TEP1: variants seen among roughly 807,000 people sequenced by gnomAD.
TEP1 encodes the protein telomerase protein component 1.
TEP1 carries 241 observed loss-of-function variants against 306.3 expected under a neutral mutation model. The observed-to-expected ratio is 0.79, with a 90% confidence interval of 0.71 to 0.88. TEP1 has a LOEUF of 0.88. Ranked by LOEUF, TEP1 falls within the 40% of genes least tolerant of loss-of-function variation. TEP1 has a pLI of 0.00. For missense variants in TEP1, 3,051 were observed against 3,276.1 expected (o/e 0.93, Z 1.68); for synonymous variants, 1,289 against 1,305.5 (o/e 0.99, Z 0.27).
In TEP1 at chr14:20,373,122, A is replaced by C. The variant is rs772035464; in HGVS notation, c.6840T>G (p.Ser2280=). Reference sequence around the variant, plus strand: ...CCCAAGCCACAGCAGTGACGGCTGCAGAACTCCTTGGTATACATGTGTCAT... The same window carrying C: ...CCCAAGCCACAGCAGTGACGGCTGCCGAACTCCTTGGTATACATGTGTCAT... ...EADDTCIPRS[S]AAVTAVAWAP... is the part of the protein sequence containing the mutation. Residue 2280 remains serine, a synonymous_variant, in exon 48 of 55, where the codon TCT becomes TCG. Coordinates refer to ENST00000262715, the MANE Select transcript of TEP1 (RefSeq NM_007110.5). 6.2e-7 allele frequency: 1 copy of C among 1,614,136 alleles called. No individual in the cohort carries two copies. Among genetic ancestry groups the C allele is most frequent in the Non-Finnish European group, 8.5e-7 (1 of 1,180,050 alleles).
chr14:20,411,751 C>T (rs1879694430), intron 1 of TEP1, among the ~76,000 whole-genome samples: 1 of 151,982 alleles, frequency 6.6e-6, no homozygotes. Context: ...TTATGGACCT[C>T]CCAGGATCTC....
intron 20 of TEP1, 71 bp downstream of exon 20, chr14:20,386,004 T>G: frequency 6.6e-7 from 1 of 1,510,436 alleles, no homozygotes; most frequent in Admixed American, 2.4e-5. Flanking sequence ...TCTGACAGAG[T>G]GTGGCTTCTC....
rs73585176 is a variant in TEP1 at position 20,380,302 on chromosome 14, G to A, written c.4936C>T (p.Arg1646Trp). 1.3e-3 allele frequency: 2,101 copies of A among 1,614,142 alleles called. 26 individuals are homozygous for A. In the African/African-American group the frequency reaches 0.024, roughly 18 times the overall value. ...PLCHQASLLSRRWHLQHTLRW... is the reference protein window; with the variant it reads ...PLCHQASLLSWRWHLQHTLRW... Reference sequence around the variant, plus strand: ...AGTGTGTGTTGGAGGTGCCATCTCCGGGAGAGCAGCGAGGCTTGGTGGCAA... The same window carrying A: ...AGTGTGTGTTGGAGGTGCCATCTCCAGGAGAGCAGCGAGGCTTGGTGGCAA... Residue 1646 changes from arginine (R) to tryptophan (W), a missense_variant, in exon 34 of 55, where the codon CGG becomes TGG. Transcript: ENST00000262715.
rs1281265615 is a variant in TEP1, at chr14:20,378,290, A to C, written c.5509-54T>G. The stretch of plus-strand genomic sequence containing the variant: ...GAAGACCTGCTCTCAGCAAAATCTT[A>C]AGTGACCCAGAATGCTGCTGTCTGT... On this transcript the variant is annotated intron_variant, in intron 38 of 54. Transcript: ENST00000262715. 4 of 1,612,218 alleles carry C rather than the reference A, an allele frequency of 2.5e-6. No individual in the cohort carries two copies. The African/African-American group carries it at 5.3e-5, about 22-fold the overall frequency.
At chr14:20,408,534 TC>T in intron 1 of TEP1, 71 bp from the exon 2 acceptor site, 2 of 1,198,944 alleles carry the variant, frequency 1.7e-6, no homozygotes, top group Non-Finnish European at 2.3e-6. Flanking sequence ...GAGCATATCT[TC>T]CCCACAGCCC....
In TEP1 at chr14:20,378,155, T is replaced by C. The variant is rs1469989072; in HGVS notation, c.5590A>G (p.Ser1864Gly). ...CGCCAGGCCCACAGCTCCACCATAC[T>C]GTCCAGCCGGCCCACAGCCACAACC... The part of the protein sequence containing the change: ...GGVVAVGRLD[S>G]MVELWAWREG... Residue 1864 changes from serine to glycine, a missense_variant, in exon 39 of 55, where the codon AGT becomes GGT. Coordinates refer to ENST00000262715, the MANE Select transcript of TEP1 (RefSeq NM_007110.5). 6.2e-7 allele frequency: 1 copy of C among 1,613,768 alleles called. No individual in the cohort carries two copies.
Position 20,375,872 on chromosome 14 carries a change from G to C in TEP1, c.6250-4C>G, listed in dbSNP as rs2139020486. The C allele has an allele frequency of 6.2e-7, 1 of 1,605,304 alleles. No individual in the cohort carries two copies. The highest frequency in any genetic ancestry group is 1.1e-5 in the South Asian group (1 of 90,862). The stretch of plus-strand genomic sequence containing the variant: ...TCACGTCCCAGCAGAGGAGACTCTG[G>C]ATAGGCCCCAAGGAGAGGGAGCAAT... On this transcript the variant is annotated splice_region_variant and splice_polypyrimidine_tract_variant and intron_variant, in intron 42 of 54. Coordinates refer to ENST00000262715, the MANE Select transcript of TEP1 (RefSeq NM_007110.5).
At chr14:20,403,603 C>T (rs1056728164) in intron 6 of TEP1, 120 bp downstream of exon 6, 2 of 1,586,440 alleles carry the variant, frequency 1.3e-6, no homozygotes, top group East Asian at 4.5e-5. Flanking sequence ...TACCCAGCTC[C>T]CCTGCATTTC....
At chr14:20,372,417 T>TGTA (rs1555320441) in intron 49 of TEP1, among the ~76,000 whole-genome samples, 1 of 151,692 alleles carries the variant, frequency 6.6e-6, no homozygotes, top group Non-Finnish European at 1.5e-5. Context: ...TGTGTGTATC[T>TGTA]TCATTATAGC....
At position 20,390,732 on chromosome 14, in the gene TEP1, G is replaced by A; in HGVS notation, c.2283C>T (p.Ser761=). 1 of 1,614,144 alleles carries A rather than the reference G, an allele frequency of 6.2e-7. No homozygotes were observed. Among genetic ancestry groups the A allele is most frequent in the Admixed American group, 1.7e-5 (1 of 60,026 alleles). Residue 761 remains serine, a synonymous_variant, in exon 15 of 55, where the codon TCC becomes TCT. Coordinates refer to ENST00000262715, the MANE Select transcript of TEP1 (RefSeq NM_007110.5). ...VQEFDENDGW[S]LNTFGKYLLS... ...GCAGGTATTTCCCAAAAGTATTCAG[G>A]GACCATCCATCATTTTCATCAAACT...
At position 20,373,361 on chromosome 14, in the gene TEP1, G is replaced by C; in HGVS notation, c.6723C>G (p.Val2241=). 1 of 1,614,216 alleles carries C rather than the reference G, an allele frequency of 6.2e-7. No individual in the cohort carries two copies. Among genetic ancestry groups the C allele is most frequent in the Non-Finnish European group, 8.5e-7 (1 of 1,180,054 alleles). ...AGGTTTCTGAAACAGCAGCAGCACG[G>C]ACTGGGCCGCTGTGTCCCAGGAGGG... ...THTLLGHSGP[V]RAAAVSETSG... The change falls in exon 47 of 55, where the codon GTC becomes GTG. Residue 2241 remains valine, a synonymous_variant. Transcript: ENST00000262715.
chr14:20,392,459 G>A (rs536223124), intron 12 of TEP1, among the ~76,000 whole-genome samples: 2 of 148,162 alleles, frequency 1.3e-5, no homozygotes, highest in South Asian at 2.2e-4. Flanking sequence ...AAATCTGTTC[G>A]AGGCTTTAGA....
In TEP1 at chr14:20,401,446, C is replaced by G. The variant is rs769928020; in HGVS notation, c.1391+11G>C. ...TTAGATGGAATGCATGCTCAGGGTG[C>G]AGCTTCTCACCTGTAACCCAGCAGG... On this transcript the variant is annotated intron_variant, in intron 8 of 54. Coordinates refer to ENST00000262715, the MANE Select transcript of TEP1 (RefSeq NM_007110.5). 1 of 1,613,410 alleles carries G rather than the reference C, an allele frequency of 6.2e-7. No individual in the cohort carries two copies. Among genetic ancestry groups the G allele is most frequent in the Admixed American group, 1.7e-5 (1 of 59,808 alleles).
rs187374984 is a variant in TEP1 at position 20,369,699 on chromosome 14, C to T, written c.7398G>A (p.Ser2466=). The T allele has an allele frequency of 1.8e-4, 295 of 1,614,020 alleles. 1 individual carries two copies. In the East Asian group the frequency reaches 5.9e-3, roughly 32 times the overall value. ...NLENPSRTLI[S]ITQAKPESES... ...CAGATTCAGGTTTGGCTTGAGTTAT[C>T]GATATTAGGGTCCTACTAGGATTCT... Residue 2466 remains serine, a synonymous_variant, in exon 52 of 55, where the codon TCG becomes TCA. Transcript: ENST00000262715.
At position 20,368,014 on chromosome 14, in the gene TEP1, C is replaced by G. The variant is rs56343177; in HGVS notation, c.*423G>C. 0.13 allele frequency: 20,168 copies of G among 157,210 alleles called. 1,405 individuals carry two copies. Among genetic ancestry groups the G allele is most frequent in the African/African-American group, 0.14 (5,973 of 41,522 alleles). The allele number at this position is 157,210 out of a possible 1,614,324, so 9.7% of individuals were successfully genotyped here. ...TTATTCTCCCTCCCTCATTCTTTCC[C>G]GATGAACTGAAAGGTCTTCCATGCT... On this transcript the variant is annotated 3_prime_UTR_variant, in exon 55 of 55. Coordinates refer to ENST00000262715, the MANE Select transcript of TEP1 (RefSeq NM_007110.5).
intron 34 of TEP1, 47 bp downstream of exon 34, chr14:20,380,188 A>G: frequency 1.9e-6 from 3 of 1,594,884 alleles, no homozygotes; most frequent in South Asian, 2.3e-5. Context: ...AAAGAGCTGC[A>G]GCTTGCTCTC....
At chr14:20,408,503 A>C (rs1879390829) in intron 1 of TEP1, 40 bp from the exon 2 acceptor site, 6 of 1,499,038 alleles carry the variant, frequency 4.0e-6, no homozygotes, top group Admixed American at 3.8e-5. Flanking sequence ...ACCTGGCTGC[A>C]CTGAGCGTGT....
In TEP1 at chr14:20,408,111, C is replaced by G. The variant is rs199736224; in HGVS notation, c.329G>C (p.Arg110Pro). 6.2e-7 allele frequency: 1 copy of G among 1,613,122 alleles called. No homozygotes were observed. Among genetic ancestry groups the G allele is most frequent in the Non-Finnish European group, 8.5e-7 (1 of 1,179,438 alleles). Residue 110 changes from arginine (R) to proline (P), a missense_variant, in exon 2 of 55, where the codon CGG becomes CCG. Physicochemically the swap from Arg to Pro is moderately radical, Grantham distance 103. Transcript: ENST00000262715. ...AHPDILSLEN[R>P]CLATLSSLKS... ...TAGACTAGAGAGGGTGGCCAGGCAC[C>G]GGTTCTCCAAGGAGAGGATGTCTGG... is the stretch of plus-strand genomic sequence containing the variant.
rs775665199 is a variant in TEP1 at position 20,379,908 on chromosome 14, T to C, written c.5127+22A>G. 3.1e-6 allele frequency: 5 copies of C among 1,601,022 alleles called. No individual in the cohort carries two copies. In the South Asian group the frequency reaches 5.6e-5, roughly 18 times the overall value. On this transcript the variant is annotated intron_variant, in intron 35 of 54. Transcript: ENST00000262715. ...GCATGGATTTTCAGAGGGTAAATTC[T>C]GCCCCTCCTTGATTGTCATACCTGC...
Sources: gnomAD v4.1 joint callset for allele counts (sites outside exome capture counted in the v4.1 genomes callset) on GRCh38, gnomAD v4.1.1 for gene constraint, MANE v1.5 for transcripts, NCBI Gene and HGNC (gene_info 2026-07-23, HGNC 2026-07-21) for gene names.